RALYL: variants seen among roughly 807,000 people sequenced by gnomAD.
RALYL encodes RNA-binding Raly-like protein.
In RALYL, 29 loss-of-function variants were observed where a neutral mutation model predicts 35.1. The ratio of observed to expected loss-of-function variants is 0.83; its 90% CI spans 0.61 to 1.13. RALYL has a LOEUF of 1.13. Among genes scored for constraint, RALYL ranks in the 50% most tolerant of loss-of-function variants. The pLI is 0.00. For synonymous variants in RALYL, 120 were observed against 127.6 expected, an observed-to-expected ratio of 0.94 and a Z score of 0.40; for missense variants, 359 against 360.4, an observed-to-expected ratio of 1.00 and a Z score of 0.03.
chr8:84,523,936 T>C (rs2058679260), intron 1 of RALYL, among the ~76,000 whole-genome samples: 1 of 152,218 alleles, frequency 6.6e-6, no homozygotes, highest in East Asian at 1.9e-4. Flanking sequence ...TTGGGTTGGT[T>C]CTAAGTCTTT....
At chr8:84,507,185 C>T (rs1395707789) in intron 1 of RALYL, among the ~76,000 whole-genome samples, 1 of 152,028 alleles carries the variant, frequency 6.6e-6, no homozygotes, top group East Asian at 1.9e-4. Context: ...ATACTATCAC[C>T]AAAGCCTATT....
chr8:84,691,458 A>G (rs1047710559), intron 2 of RALYL, among the ~76,000 whole-genome samples: 11 of 152,094 alleles, frequency 7.2e-5, no homozygotes, highest in African/African-American at 2.7e-4. Context: ...TATTTTCATC[A>G]TTAAGTAGTT....
At chr8:84,467,670 T>G (rs1174626558) in intron 1 of RALYL, among the ~76,000 whole-genome samples, 1 of 152,034 alleles carries the variant, frequency 6.6e-6, no homozygotes, top group Admixed American at 6.6e-5. Flanking sequence ...CACTTGGTGC[T>G]GAGCTGAGTT....
chr8:84,483,452 A>G (rs1044185962), intron 1 of RALYL, among the ~76,000 whole-genome samples: 1 of 152,112 alleles, frequency 6.6e-6, no homozygotes, highest in African/African-American at 2.4e-5. Context: ...TGTTGTGGTG[A>G]CTGATCGATG....
At chr8:84,428,713 G>A (rs1021203700) in intron 1 of RALYL, among the ~76,000 whole-genome samples, 3 of 152,238 alleles carry the variant, frequency 2.0e-5, no homozygotes, top group South Asian at 2.1e-4. Context: ...CACATACAGT[G>A]TAATTTGCAG....
chr8:84,556,251 G>A (rs1360015204), intron 2 of RALYL, among the ~76,000 whole-genome samples: 1 of 152,126 alleles, frequency 6.6e-6, no homozygotes, highest in Non-Finnish European at 1.5e-5. Context: ...AGGGTGAGAT[G>A]GAAAGCATAT....
At chr8:84,495,235 C>A (rs2055872209) in intron 1 of RALYL, among the ~76,000 whole-genome samples, 1 of 152,032 alleles carries the variant, frequency 6.6e-6, no homozygotes, top group Non-Finnish European at 1.5e-5. Flanking sequence ...GAATAAATTT[C>A]TTTTGAAAAA....
intron 5 of RALYL, among the ~76,000 whole-genome samples, chr8:84,858,749 A>C (rs1367741843): frequency 6.6e-6 from 1 of 152,172 alleles, no homozygotes; most frequent in Admixed American, 6.5e-5. Context: ...ACTTCCCTCT[A>C]TATTTTGAAG....
At chr8:84,372,205 A>T (rs1272977624) in intron 1 of RALYL, among the ~76,000 whole-genome samples, 1 of 152,060 alleles carries the variant, frequency 6.6e-6, no homozygotes, top group Non-Finnish European at 1.5e-5. Flanking sequence ...ATAACAGCAA[A>T]TAAAAATTAC....
In RALYL at chr8:84,424,829, C is replaced by T. The variant is rs886694067; in HGVS notation, c.-23-104470C>T. Among the ~76,000 whole-genome samples the T allele has an allele frequency of 2.6e-5, 4 of 152,076 alleles. No individual in the cohort carries two copies. In the South Asian group the frequency reaches 6.2e-4, roughly 24 times the overall value. The stretch of plus-strand genomic sequence containing the variant: ...CTGCTGTGTGAGGTGTCAGTGTGCC[C>T]CTGCTGGGGGGTGCCTCCCAGTTAG... On this transcript the variant is annotated intron_variant, in intron 1 of 8. Coordinates refer to ENST00000521268, the MANE Select transcript of RALYL (RefSeq NM_173848.7).
At chr8:84,818,107 A>T (rs1277409426) in intron 4 of RALYL, among the ~76,000 whole-genome samples, 1 of 152,146 alleles carries the variant, frequency 6.6e-6, no homozygotes. Context: ...AGACTGCCTT[A>T]CTAGGGAAGA....
At chr8:84,559,105 A>T (rs549602760) in intron 2 of RALYL, among the ~76,000 whole-genome samples, 3 of 152,032 alleles carry the variant, frequency 2.0e-5, no homozygotes, top group African/African-American at 4.8e-5. Flanking sequence ...CATTTTTTTT[A>T]AATTACTGAG....
chr8:84,563,619 C>A (rs941188921), intron 2 of RALYL, among the ~76,000 whole-genome samples: 1 of 151,106 alleles, frequency 6.6e-6, no homozygotes, highest in Non-Finnish European at 1.5e-5. Flanking sequence ...GAACCTAGAT[C>A]TTTTCTTTGT....
rs1842174132 is a variant in RALYL at position 84,881,539 on chromosome 8, A to G, written c.686-6065A>G. ...ATAGCTATGCAGCAAACTCAATTTA[A>G]TAAAAACACTTTGAACATAAATCCC... On this transcript the variant is annotated intron_variant, in intron 7 of 8. Transcript: ENST00000521268. Among the ~76,000 whole-genome samples, 3 of 152,016 alleles carry G rather than the reference A, an allele frequency of 2.0e-5. No homozygotes were observed. The South Asian group carries it at 6.2e-4, about 31-fold the overall frequency.
chr8:84,196,417 G>T (rs1815291944), intron 1 of RALYL, among the ~76,000 whole-genome samples: 1 of 152,144 alleles, frequency 6.6e-6, no homozygotes, highest in South Asian at 2.1e-4. Flanking sequence ...TTTTCTAAAA[G>T]ACATATTAAA....
intron 1 of RALYL, among the ~76,000 whole-genome samples, chr8:84,398,847 G>C (rs867422255): frequency 6.6e-6 from 1 of 151,896 alleles, no homozygotes; most frequent in African/African-American, 2.4e-5. Flanking sequence ...GTTGGCATGC[G>C]CCCGTAGTCC....
intron 1 of RALYL, among the ~76,000 whole-genome samples, chr8:84,498,026 A>G (rs916251845): frequency 3.3e-5 from 5 of 151,518 alleles, no homozygotes; most frequent in South Asian, 2.1e-4. Flanking sequence ...TTACAGAGGT[A>G]TATTGTGTGA....
intron 1 of RALYL, among the ~76,000 whole-genome samples, chr8:84,202,528 C>T (rs1225657933): frequency 6.6e-5 from 10 of 151,928 alleles, no homozygotes; most frequent in African/African-American, 1.5e-4. Flanking sequence ...CCCACCACCA[C>T]GCCCAGCTAA....
intron 4 of RALYL, among the ~76,000 whole-genome samples, chr8:84,824,863 C>G (rs1223436516): frequency 6.6e-6 from 1 of 152,090 alleles, no homozygotes; most frequent in Non-Finnish European, 1.5e-5. Context: ...AAAATTAACT[C>G]AAATTGGATT....
Sources: gnomAD v4.1 joint callset for allele counts (sites outside exome capture counted in the v4.1 genomes callset) on GRCh38, gnomAD v4.1.1 for gene constraint, MANE v1.5 for transcripts, NCBI Gene and HGNC (gene_info 2026-07-23, HGNC 2026-07-21) for gene names.